Variants in RSBN1L observed in about 807,000 individuals in gnomAD.
The protein encoded by RSBN1L is round spermatid basic protein 1 like, also known as lysine-specific demethylase RSBN1L.
A neutral mutation model predicts 67.7 loss-of-function variants in RSBN1L; 30 were observed. That is an observed-to-expected ratio of 0.44 (90% CI 0.33 to 0.60). RSBN1L has a LOEUF of 0.60. Among genes scored for constraint, RSBN1L ranks in the 20% least tolerant of loss-of-function variants. The pLI, the probability that RSBN1L is intolerant of heterozygous loss-of-function variation, is 0.02. For missense variants in RSBN1L, 992 were observed against 1,031.7 expected (o/e 0.96, Z 0.53); for synonymous variants, 433 against 387.0 (o/e 1.12, Z -1.39).
At chr7:77,704,991 T>TTGTGTGTG (rs138276295) in intron 1 of RSBN1L, among the ~76,000 whole-genome samples, 1 of 149,138 alleles carries the variant, frequency 6.7e-6, no homozygotes, top group African/African-American at 2.5e-5. Flanking sequence ...AAAAAAAAAG[T>TTGTGTGTG]TGTGTGTGTG....
intron 1 of RSBN1L, among the ~76,000 whole-genome samples, chr7:77,722,616 T>G (rs1021558146): frequency 1.3e-5 from 2 of 152,118 alleles, no homozygotes; most frequent in Non-Finnish European, 1.5e-5. Context: ...TCTCCTTCAA[T>G]TTTTATTTTA....
At chr7:77,776,066 A>AG (rs1791910995) in intron 6 of RSBN1L, among the ~76,000 whole-genome samples, 1 of 151,826 alleles carries the variant, frequency 6.6e-6, no homozygotes, top group African/African-American at 2.4e-5. Flanking sequence ...CAAAAAAAAA[A>AG]GTGTATTTTG....
intron 3 of RSBN1L, among the ~76,000 whole-genome samples, chr7:77,751,745 C>T (rs1421307291): frequency 6.6e-6 from 1 of 152,182 alleles, no homozygotes; most frequent in Non-Finnish European, 1.5e-5. Flanking sequence ...CTTACTTTAG[C>T]AGTGAAGAAA....
rs189949005 is a variant in RSBN1L at position 77,701,479 on chromosome 7, C to G, written c.586+4424C>G. On this transcript the variant is annotated intron_variant, in intron 1 of 7. Transcript: ENST00000334955. ...CCCTCAAAAGTTTGAAGGTGGTGTT[C>G]CCTTATTGCCTGGTTCCCAAAGTAG... Among the ~76,000 whole-genome samples, 19 of 152,138 alleles carry G rather than the reference C, an allele frequency of 1.2e-4. 1 individual carries two copies. In the East Asian group the frequency reaches 3.5e-3, roughly 28 times the overall value.
rs1791964335 is a variant in RSBN1L at position 77,779,397 on chromosome 7, AT to A, written c.*230del. The A allele has an allele frequency of 3.7e-6, 1 of 267,828 alleles. No homozygotes were observed. Among genetic ancestry groups the A allele is most frequent in the Non-Finnish European group, 7.0e-6 (1 of 142,070 alleles). The allele number at this position is 267,828 out of a possible 1,614,324, so 16.6% of individuals were successfully genotyped here. A position where few individuals can be genotyped will look rare whatever the true frequency, so the allele number is the denominator to read the frequency against. On this transcript the variant is annotated 3_prime_UTR_variant, in exon 8 of 8. Coordinates refer to ENST00000334955, the MANE Select transcript of RSBN1L (RefSeq NM_198467.3). Reference sequence around the variant, plus strand: ...AACATAAAGGAGTCTTTAAAAAAAAATCATTTACGTTGGAATTTTAGGTTTT... The same window carrying A: ...AACATAAAGGAGTCTTTAAAAAAAAACATTTACGTTGGAATTTTAGGTTTT...
Position 77,696,558 on chromosome 7 carries a change from A to C in RSBN1L, c.89A>C (p.Gln30Pro), listed in dbSNP as rs772154818. The change falls in exon 1 of 8, where the codon CAA (glutamine) becomes CCA (proline). Residue 30 changes from glutamine to proline, a missense_variant. Gln to Pro is a moderately conservative substitution (Grantham distance 76, BLOSUM62 -1). This residue lies in a region of RSBN1L where 575 missense variants were observed against 483.2 expected (regional missense o/e 1.19). Transcript: ENST00000334955. ...GAGAAAGAACCGTTTGGCAAGCTGCAACTCTCCTCCCGGGACCCTCCGGGT... is the reference window on the plus strand; with the variant it reads ...GAGAAAGAACCGTTTGGCAAGCTGCCACTCTCCTCCCGGGACCCTCCGGGT... ...VSEKEPFGKL[Q>P]LSSRDPPGSL... The C allele has an allele frequency of 1.2e-6, 2 of 1,614,094 alleles. No individual in the cohort carries two copies. The highest frequency in any genetic ancestry group is 4.5e-5 in the East Asian group (2 of 44,870).
chr7:77,742,157 C>G (rs1791418598), intron 2 of RSBN1L, among the ~76,000 whole-genome samples: 2 of 98,278 alleles, frequency 2.0e-5, no homozygotes, highest in South Asian at 7.4e-4. Flanking sequence ...TGGCAAGAAC[C>G]CATCTTTAAA....
At chr7:77,699,890 G>A (rs969530737) in intron 1 of RSBN1L, among the ~76,000 whole-genome samples, 7 of 151,158 alleles carry the variant, frequency 4.6e-5, no homozygotes, top group Non-Finnish European at 8.8e-5. Flanking sequence ...TCCGCCTCCC[G>A]GGTTCAAGCA....
chr7:77,729,932 T>G (rs1305660549), intron 1 of RSBN1L, among the ~76,000 whole-genome samples: 1 of 152,196 alleles, frequency 6.6e-6, no homozygotes, highest in African/African-American at 2.4e-5. Context: ...CCAGTCCATG[T>G]GACAGAGCAA....
chr7:77,698,042 T>C (rs1328473621), intron 1 of RSBN1L, among the ~76,000 whole-genome samples: 1 of 152,260 alleles, frequency 6.6e-6, no homozygotes, highest in African/African-American at 2.4e-5. Flanking sequence ...CTTTTTGTTT[T>C]TTAGAAAAAG....
intron 4 of RSBN1L, among the ~76,000 whole-genome samples, chr7:77,767,278 G>T (rs1216372879): frequency 9.6e-6 from 1 of 104,550 alleles, no homozygotes; most frequent in Non-Finnish European, 1.9e-5. Context: ...TGAAAAGGGG[G>T]TGTGTGGTGA....
chr7:77,713,913 T>C (rs1028637824), intron 1 of RSBN1L, among the ~76,000 whole-genome samples: 4 of 152,344 alleles, frequency 2.6e-5, no homozygotes, highest in Admixed American at 6.5e-5. Context: ...AAATCTTTGC[T>C]CTGTTTAGAA....
At chr7:77,697,099 C>G in intron 1 of RSBN1L, 44 bp downstream of exon 1, 1 of 1,325,492 alleles carries the variant, frequency 7.5e-7, no homozygotes, top group Non-Finnish European at 9.6e-7. Flanking sequence ...GCCGTGGGTC[C>G]CCGCCGCCCC....
chr7:77,746,092 G>A (rs1238330568), intron 2 of RSBN1L, among the ~76,000 whole-genome samples: 3 of 152,186 alleles, frequency 2.0e-5, no homozygotes, highest in South Asian at 4.1e-4. Context: ...GACCAGTACC[G>A]GTCTGTTGCC....
chr7:77,744,102 G>A (rs1382280090), intron 2 of RSBN1L, among the ~76,000 whole-genome samples: 1 of 151,746 alleles, frequency 6.6e-6, no homozygotes, highest in African/African-American at 2.4e-5. Flanking sequence ...CATGATCATG[G>A]CTCACAGCAT....
At chr7:77,720,907 C>T (rs575176933) in intron 1 of RSBN1L, among the ~76,000 whole-genome samples, 2 of 151,656 alleles carry the variant, frequency 1.3e-5, no homozygotes, top group South Asian at 2.1e-4. Flanking sequence ...CAGGCGTGGG[C>T]GACCTTGCCC....
intron 3 of RSBN1L, among the ~76,000 whole-genome samples, chr7:77,752,063 T>C (rs1351030362): frequency 1.3e-5 from 2 of 152,254 alleles, no homozygotes; most frequent in Non-Finnish European, 2.9e-5. Flanking sequence ...ATCTAATATG[T>C]ACACCATGAA....
At chr7:77,744,637 C>G (rs192538803) in intron 2 of RSBN1L, among the ~76,000 whole-genome samples, 1 of 148,334 alleles carries the variant, frequency 6.7e-6, no homozygotes, top group Non-Finnish European at 1.5e-5. Context: ...AGGCTGGTCT[C>G]GAACTCCTGA....
At chr7:77,757,395 T>C (rs1313174379) in intron 3 of RSBN1L, among the ~76,000 whole-genome samples, 2 of 152,240 alleles carry the variant, frequency 1.3e-5, no homozygotes, top group Non-Finnish European at 2.9e-5. Context: ...TAACAGGTCA[T>C]GTCATTTCTC....
Sources: allele counts gnomAD v4.1 joint callset (sites outside exome capture counted in the v4.1 genomes callset), GRCh38; gene constraint gnomAD v4.1.1; regional missense constraint gnomAD v4.1.1; transcripts MANE v1.5; gene names NCBI Gene and HGNC (gene_info 2026-07-23, HGNC 2026-07-21).